RTN3: variants seen among roughly 807,000 people sequenced by gnomAD.
RTN3 encodes reticulon-3.
A neutral mutation model predicts 77.8 loss-of-function variants in RTN3; 49 were observed. The observed-to-expected ratio is 0.63, with a 90% CI of 0.50 to 0.80. RTN3 has a LOEUF of 0.80. RTN3 is among the 30% of genes least tolerant of loss of function. The pLI is 0.00. For synonymous variants in RTN3, 464 were observed against 446.9 expected, an observed-to-expected ratio of 1.04 and a Z score of -0.48; for missense variants, 1,236 against 1,211.9, an observed-to-expected ratio of 1.02 and a Z score of -0.29.
intron 1 of RTN3, among the ~76,000 whole-genome samples, chr11:63,701,088 CAA>C (rs35169888): frequency 0.012 from 1,575 of 135,514 alleles, 31 homozygotes; most frequent in African/African-American, 0.04. Flanking sequence ...GACTCCTTCT[CAA>C]AAAAAAAAAA....
chr11:63,685,690 A>T (rs908540876), intron 1 of RTN3, among the ~76,000 whole-genome samples: 5 of 150,358 alleles, frequency 3.3e-5, no homozygotes, highest in African/African-American at 1.2e-4. Flanking sequence ...TTAATTGTTT[A>T]AAAAAAAAAT....
intron 5 of RTN3, 27 bp from the exon 6 acceptor site, chr11:63,753,042 G>A: frequency 6.2e-7 from 1 of 1,609,584 alleles, no homozygotes; most frequent in Non-Finnish European, 8.5e-7. Flanking sequence ...GGTTATTCCT[G>A]CTTAACTTTT....
intron 7 of RTN3, 104 bp from the exon 8 acceptor site, chr11:63,756,008 C>A: frequency 1.3e-6 from 1 of 789,188 alleles, no homozygotes; most frequent in South Asian, 1.5e-5. Context: ...CTACACTGGT[C>A]AGTCGTGTTT....
chr11:63,754,993 A>C (rs2135063951), intron 7 of RTN3, among the ~76,000 whole-genome samples: 2 of 151,276 alleles, frequency 1.3e-5, no homozygotes, highest in East Asian at 3.9e-4. Context: ...TTTAAACTCT[A>C]GGTTATTCAG....
chr11:63,734,776 CA>C (rs199813865), intron 3 of RTN3, among the ~76,000 whole-genome samples: 12,822 of 146,262 alleles, frequency 0.088, 726 homozygotes, highest in East Asian at 0.1. Flanking sequence ...CACACACACA[CA>C]CACACCATAC....
rs1201009864 is a variant in RTN3 at position 63,720,837 on chromosome 11, A to G, written c.2335A>G (p.Thr779Ala). 6.2e-7 allele frequency: 1 copy of G among 1,613,904 alleles called. No homozygotes were observed. The highest frequency in any genetic ancestry group is 1.3e-5 in the African/African-American group (1 of 74,934). ...PSEEVLKQTF[T>A]FAPESWPQRS... ...TGAAGAAGTACTGAAGCAAACTTTCACATTTGCTCCAGAATCTTGGCCACA... is the reference window on the plus strand; with the variant it reads ...TGAAGAAGTACTGAAGCAAACTTTCGCATTTGCTCCAGAATCTTGGCCACA... Residue 779 changes from threonine (T) to alanine (A), a missense_variant, in exon 3 of 9, where the codon ACA becomes GCA. Thr to Ala is a moderately conservative substitution (Grantham distance 58, BLOSUM62 0). This residue lies in a region of RTN3 where 1,056 missense variants were observed against 990.4 expected (regional missense o/e 1.07). Transcript: ENST00000377819.
At position 63,750,059 on chromosome 11, in the gene RTN3, C is replaced by A. The variant is rs774170309; in HGVS notation, c.2599C>A (p.Leu867Met). 3 of 1,613,798 alleles carry A rather than the reference C, an allele frequency of 1.9e-6. No homozygotes were observed. The highest frequency in any genetic ancestry group is 3.3e-5 in the Admixed American group (2 of 59,976). The stretch of plus-strand genomic sequence containing the variant: ...TGTCTTTGGCACCACGCTGATCATG[C>A]TGCTTTCCCTGGCAGCTTTCAGTGT... ...GFVFGTTLIM[L>M]LSLAAFSVIS... Residue 867 changes from leucine to methionine, a missense_variant, in exon 4 of 9, where the codon CTG becomes ATG. By Grantham distance (15) the Leu-to-Met change is conservative. Around this residue, in one of 3 missense-constraint regions of RTN3, gnomAD observed 39 missense variants for 66.6 expected, o/e 0.59. Transcript: ENST00000377819.
In RTN3 at chr11:63,720,734, A is replaced by G. The variant is rs2011717628; in HGVS notation, c.2232A>G (p.Thr744=). The change falls in exon 3 of 9, where the codon ACA becomes ACG. Residue 744 remains threonine (T), a synonymous_variant. Transcript: ENST00000377819. ...TTGACTTAGAACAAGAACAGCTCAC[A>G]ATTAAGGCTCTTAAAGAATTAGGTG... ...ASLDLEQEQL[T]IKALKELGER... The G allele has an allele frequency of 6.2e-7, 1 of 1,614,202 alleles. No individual in the cohort carries two copies.
In RTN3 at chr11:63,688,162, G is replaced by A. The variant is rs80197313; in HGVS notation, c.142+6384G>A. ...CAGCAAGAATGGTCATGTCAATATGGCCTGCAAATGCCTGCTGACTTGGAT... is the reference window on the plus strand; with the variant it reads ...CAGCAAGAATGGTCATGTCAATATGACCTGCAAATGCCTGCTGACTTGGAT... On this transcript the variant is annotated intron_variant, in intron 1 of 8. Transcript: ENST00000377819. 6.2e-3 allele frequency among the ~76,000 whole-genome samples: 941 copies of A among 151,980 alleles called. 9 individuals are homozygous for A. Among genetic ancestry groups the A allele is most frequent in the African/African-American group, 0.021 (875 of 41,484 alleles).
At chr11:63,681,495 C>CA, upstream of RTN3, 1 of 846,704 alleles carries the variant, frequency 1.2e-6, no homozygotes, top group South Asian at 2.6e-5. Context: ...TCGGCTGAGT[C>CA]AGTCAGTCTG....
At chr11:63,706,465 G>T (rs945813214) in intron 2 of RTN3, among the ~76,000 whole-genome samples, 3 of 152,100 alleles carry the variant, frequency 2.0e-5, no homozygotes, top group Non-Finnish European at 4.4e-5. Context: ...CATCCACAGT[G>T]CTGGGATTAT....
chr11:63,729,036 A>G lies in RTN3; in HGVS notation c.2530+8004A>G, dbSNP rs955970048. ...ACATCTTATAAAGTGCCCAACAGGG[A>G]AAAAAAACCTGTCAACCCAGGTTTC... On this transcript the variant is annotated intron_variant, in intron 3 of 8. Coordinates refer to ENST00000377819, the MANE Select transcript of RTN3 (RefSeq NM_001265589.2). Among the ~76,000 whole-genome samples the G allele has an allele frequency of 4.0e-5, 6 of 151,898 alleles. No homozygotes were observed. In the East Asian group the frequency reaches 7.7e-4, roughly 19 times the overall value.
chr11:63,682,657 G>T (rs559820459), intron 1 of RTN3, among the ~76,000 whole-genome samples: 1 of 152,072 alleles, frequency 6.6e-6, no homozygotes, highest in African/African-American at 2.4e-5. Context: ...GAAAGGGGGA[G>T]GGGGAGAACA....
rs542827056 is a variant in RTN3 at position 63,747,720 on chromosome 11, T to C, written c.2531-2271T>C. ...CAAGACAACTTGAATCACACCCAGT[T>C]CATTTTATCGCAAATAAGTCTTTTC... On this transcript the variant is annotated intron_variant, in intron 3 of 8. Transcript: ENST00000377819. Among the ~76,000 whole-genome samples the C allele has an allele frequency of 2.6e-5, 4 of 152,332 alleles. No homozygotes were observed. In the South Asian group the frequency reaches 8.3e-4, roughly 32 times the overall value.
intron 3 of RTN3, among the ~76,000 whole-genome samples, chr11:63,724,868 A>G (rs945273896): frequency 2.0e-5 from 3 of 152,034 alleles, no homozygotes; most frequent in Non-Finnish European, 4.4e-5. Flanking sequence ...ATAGTGGCAG[A>G]TATCTCGGTG....
chr11:63,707,464 C>T (rs1942552670), intron 2 of RTN3, among the ~76,000 whole-genome samples: 1 of 152,126 alleles, frequency 6.6e-6, no homozygotes, highest in Non-Finnish European at 1.5e-5. Flanking sequence ...TACACTTATT[C>T]TTCCTTTTTG....
intron 1 of RTN3, among the ~76,000 whole-genome samples, chr11:63,694,577 G>A (rs961500795): frequency 2.0e-5 from 3 of 152,016 alleles, no homozygotes; most frequent in African/African-American, 4.8e-5. Context: ...GGCTCAAGCC[G>A]TCCTCCCACC....
chr11:63,755,080 CT>C lies in RTN3; in HGVS notation c.2995-1029del, dbSNP rs1225686401. Among the ~76,000 whole-genome samples the C allele has an allele frequency of 4.6e-5, 7 of 151,704 alleles. 1 individual carries two copies. The highest frequency in any genetic ancestry group is 2.6e-4 in the Admixed American group (4 of 15,170). On this transcript the variant is annotated intron_variant, in intron 7 of 8. Coordinates refer to ENST00000377819, the MANE Select transcript of RTN3 (RefSeq NM_001265589.2). ...GTATACTAGATGCCATGAGATTATT[CT>C]TTATGGATTAAGTCATCCATCAAGA...
intron 1 of RTN3, among the ~76,000 whole-genome samples, chr11:63,694,612 G>T (rs1941841834): frequency 6.6e-6 from 1 of 151,598 alleles, no homozygotes; most frequent in Admixed American, 6.6e-5. Context: ...AGCTAGGACT[G>T]TAGGCGTGGC....
Sources: gnomAD v4.1 joint callset for allele counts (sites outside exome capture counted in the v4.1 genomes callset) on GRCh38, gnomAD v4.1.1 for gene constraint, gnomAD v4.1.1 regional missense constraint, MANE v1.5 for transcripts, NCBI Gene and HGNC (gene_info 2026-07-23, HGNC 2026-07-21) for gene names.